The following SMPDL3B variants were observed in gnomAD, a reference collection of about 807,000 sequenced individuals.
SMPDL3B encodes the protein acid sphingomyelinase-like phosphodiesterase 3b.
In SMPDL3B, 31 loss-of-function variants were observed where a neutral mutation model predicts 37.9. The ratio of observed to expected loss-of-function variants is 0.82; its 90% confidence interval spans 0.61 to 1.10. SMPDL3B has a LOEUF of 1.10. SMPDL3B is among the 50% of genes least tolerant of loss of function. The pLI is 0.00. For synonymous variants in SMPDL3B, 235 were observed against 242.6 expected (o/e 0.97, Z 0.29); for missense variants, 525 against 597.8 (o/e 0.88, Z 1.27).
At chr1:27,955,223 T>C (rs1237227683) in intron 5 of SMPDL3B, among the ~76,000 whole-genome samples, 1 of 152,184 alleles carries the variant, frequency 6.6e-6, no homozygotes, top group Non-Finnish European at 1.5e-5. Flanking sequence ...CATTTAACTC[T>C]GTCCCCTGTT....
Position 27,958,395 on chromosome 1 carries a change from T to C in SMPDL3B, c.1006-81T>C, listed in dbSNP as rs1039315885. On this transcript the variant is annotated intron_variant, in intron 7 of 7. Coordinates refer to ENST00000373894, the MANE Select transcript of SMPDL3B (RefSeq NM_014474.4). The surrounding 1 kb of genome is among the most constrained non-coding windows in gnomAD (Gnocchi z 5.6). ...GGTCATGGTCACTGCTCTAAAGAAC[T>C]TGGGGGCAAATGCAAGGTGCAGGAT... 13 of 1,518,802 alleles carry C rather than the reference T, an allele frequency of 8.6e-6. No homozygotes were observed. The highest frequency in any genetic ancestry group is 1.3e-5 in the South Asian group (1 of 79,570). 94.1% of individuals were successfully genotyped at this position (1,518,802 alleles called of 1,614,324 possible).
chr1:27,943,427 C>T (rs2090376814), intron 1 of SMPDL3B, among the ~76,000 whole-genome samples: 1 of 152,122 alleles, frequency 6.6e-6, no homozygotes, highest in African/African-American at 2.4e-5. Flanking sequence ...CAGGGGCCAG[C>T]CTTTATCTGC....
chr1:27,952,080 C>T (rs1369480861), intron 3 of SMPDL3B, among the ~76,000 whole-genome samples: 6 of 152,152 alleles, frequency 3.9e-5, no homozygotes, highest in African/African-American at 9.7e-5. Flanking sequence ...GACACCAGGT[C>T]GCACCCTCAT....
chr1:27,944,623 T>C (rs148562908), intron 1 of SMPDL3B, among the ~76,000 whole-genome samples: 1,746 of 152,252 alleles, frequency 0.011, 44 homozygotes, highest in African/African-American at 0.039. Flanking sequence ...CCCAAAGTAC[T>C]GGGATTACAG....
chr1:27,942,704 G>T lies in SMPDL3B; in HGVS notation c.62-2528G>T, dbSNP rs575300494. On this transcript the variant is annotated intron_variant, in intron 1 of 7. Coordinates refer to ENST00000373894, the MANE Select transcript of SMPDL3B (RefSeq NM_014474.4). ...TTTTGAGATGGAGTCTCGCTCTGTC[G>T]CCAGGCTGGAGTGCAGTGGCACAAT... Among the ~76,000 whole-genome samples, 5 of 142,346 alleles carry T rather than the reference G, an allele frequency of 3.5e-5. No homozygotes were observed. In the South Asian group the frequency reaches 9.0e-4, roughly 26 times the overall value. 93.4% of individuals were successfully genotyped at this position (142,346 alleles called of 152,430 possible). A position where few individuals can be genotyped will look rare whatever the true frequency, so the allele number is the denominator to read the frequency against.
At position 27,959,099 on chromosome 1, in the gene SMPDL3B, A is replaced by T; in HGVS notation, c.*261A>T. ...CGACCCAAGACCCCCCTACAAGCAT[A>T]CTTCTTTTGCGTATTATGTTTAACT... On this transcript the variant is annotated 3_prime_UTR_variant, in exon 8 of 8. Transcript: ENST00000373894. 1 of 482,998 alleles carries T rather than the reference A, an allele frequency of 2.1e-6. No individual in the cohort carries two copies. Among genetic ancestry groups the T allele is most frequent in the Non-Finnish European group, 3.7e-6 (1 of 267,214 alleles). The allele number at this position is 482,998 out of a possible 1,614,324, so 29.9% of individuals were successfully genotyped here.
chr1:27,946,855 G>T (rs2090412929), intron 2 of SMPDL3B, among the ~76,000 whole-genome samples: 1 of 152,088 alleles, frequency 6.6e-6, no homozygotes, highest in Non-Finnish European at 1.5e-5. Flanking sequence ...TCTCAGGAGG[G>T]GCCTGGACAG....
chr1:27,947,178 A>G (rs1439497369), intron 2 of SMPDL3B, among the ~76,000 whole-genome samples: 1 of 151,964 alleles, frequency 6.6e-6, no homozygotes, highest in Admixed American at 6.6e-5. Flanking sequence ...CTGGGATTAC[A>G]GGCATGCGCC....
chr1:27,955,972 A>T lies in SMPDL3B; in HGVS notation c.895A>T (p.Ile299Phe). 1 of 1,614,036 alleles carries T rather than the reference A, an allele frequency of 6.2e-7. No individual in the cohort carries two copies. The highest frequency in any genetic ancestry group is 8.5e-7 in the Non-Finnish European group (1 of 1,179,998). ...DAGVPISAMF[I>F]TPGVTPWKTT... ...AGGTGTCCCCATAAGCGCCATGTTC[A>T]TCACACCTGGAGTCACCCCATGGAA... is the stretch of plus-strand genomic sequence containing the variant. The change falls in exon 7 of 8, where the codon ATC becomes TTC. Residue 299 changes from isoleucine (I) to phenylalanine (F), a missense_variant. Transcript: ENST00000373894.
Position 27,946,178 on chromosome 1 carries a change from C to A in SMPDL3B, c.275+733C>A, listed in dbSNP as rs550815237. Among the ~76,000 whole-genome samples, 461 of 152,068 alleles carry A rather than the reference C, an allele frequency of 3.0e-3. 3 individuals are homozygous for A. Among genetic ancestry groups the A allele is most frequent in the African/African-American group, 0.011 (437 of 41,484 alleles). ...GACCATCCTGGCCAACATGGTGAAA[C>A]CCCGTCTCTACTAAAAATACAAAAA... On this transcript the variant is annotated intron_variant, in intron 2 of 7. Coordinates refer to ENST00000373894, the MANE Select transcript of SMPDL3B (RefSeq NM_014474.4).
rs968751019 is a variant in SMPDL3B, at chr1:27,935,052, A to T, written c.-132A>T. 6 of 657,982 alleles carry T rather than the reference A, an allele frequency of 9.1e-6. No individual in the cohort carries two copies. The highest frequency in any genetic ancestry group is 1.6e-5 in the Non-Finnish European group (6 of 369,146). The allele number at this position is 657,982 out of a possible 1,614,324, so 40.8% of individuals were successfully genotyped here. ...CCAGAGGATCCAGACGCCTTGGAGG[A>T]CTTGGAACACCTGTAACAGGACAAG... On this transcript the variant is annotated 5_prime_UTR_variant, in exon 1 of 8. Transcript: ENST00000373894.
chr1:27,958,475 G>A lies in SMPDL3B; in HGVS notation c.1006-1G>A. 1 of 1,596,584 alleles carries A rather than the reference G, an allele frequency of 6.3e-7. No individual in the cohort carries two copies. Among genetic ancestry groups the A allele is most frequent in the Non-Finnish European group, 8.6e-7 (1 of 1,166,770 alleles). On this transcript the variant is annotated splice_acceptor_variant, in intron 7 of 7. Coordinates refer to ENST00000373894, the MANE Select transcript of SMPDL3B (RefSeq NM_014474.4). LOFTEE classifies it high-confidence loss of function. This position sits in a 1 kb window ranked among gnomAD's most constrained non-coding sequence, Gnocchi z 5.6. ...CGGTCTACCCCAAACCCTTTTTCCA[G>A]GACATGGTGACCTACTTCATGAACC...
intron 3 of SMPDL3B, among the ~76,000 whole-genome samples, chr1:27,949,529 C>T (rs1168765742): frequency 2.0e-5 from 3 of 152,182 alleles, no homozygotes; most frequent in Non-Finnish European, 4.4e-5. Context: ...AGTTGGCATC[C>T]ATCACCCTCA....
chr1:27,937,158 C>T (rs957109564), intron 1 of SMPDL3B, among the ~76,000 whole-genome samples: 8 of 152,228 alleles, frequency 5.3e-5, no homozygotes, highest in Non-Finnish European at 1.0e-4. Context: ...CCCTGCTTTG[C>T]ATTAAACTGT....
At chr1:27,942,001 A>G (rs1023582312) in intron 1 of SMPDL3B, among the ~76,000 whole-genome samples, 1 of 152,086 alleles carries the variant, frequency 6.6e-6, no homozygotes, top group Non-Finnish European at 1.5e-5. Flanking sequence ...ACACACATGC[A>G]CACACACAGA....
rs199667511 is a variant in SMPDL3B at position 27,958,529 on chromosome 1, G to C, written c.1059G>C (p.Pro353=). 2.5e-6 allele frequency: 4 copies of C among 1,613,628 alleles called. No individual in the cohort carries two copies. The highest frequency in any genetic ancestry group is 3.4e-6 in the Non-Finnish European group (4 of 1,179,808). The change falls in exon 8 of 8, where the codon CCG becomes CCC. Residue 353 remains proline (P), a synonymous_variant. Coordinates refer to ENST00000373894, the MANE Select transcript of SMPDL3B (RefSeq NM_014474.4). The surrounding 1 kb of genome is among the most constrained non-coding windows in gnomAD (Gnocchi z 5.6). The part of the protein sequence containing the change: ...NLSQANAQGT[P]RWELEYQLTE... ...GCCAGGCGAATGCTCAGGGGACGCCGCGCTGGGAGCTCGAGTACCAGCTGA... is the reference window on the plus strand; with the variant it reads ...GCCAGGCGAATGCTCAGGGGACGCCCCGCTGGGAGCTCGAGTACCAGCTGA...
In SMPDL3B at chr1:27,945,043, T is replaced by C. The variant is rs2090394386; in HGVS notation, c.62-189T>C. Among the ~76,000 whole-genome samples the C allele has an allele frequency of 6.6e-6, 1 of 152,206 alleles. No individual in the cohort carries two copies. The highest frequency in any genetic ancestry group is 1.5e-5 in the Non-Finnish European group (1 of 68,034). On this transcript the variant is annotated intron_variant, in intron 1 of 7. Transcript: ENST00000373894. The surrounding 1 kb of genome is among the most constrained non-coding windows in gnomAD (Gnocchi z 4.0). ...CTCAGGGATGGAGCTGAGCCTGTTC[T>C]GTGCTCTGCTCAATGTGTCCCTGGG...
Position 27,955,985 on chromosome 1 carries a change from T to C in SMPDL3B, c.908T>C (p.Val303Ala). 1 of 1,613,892 alleles carries C rather than the reference T, an allele frequency of 6.2e-7. No individual in the cohort carries two copies. The highest frequency in any genetic ancestry group is 8.5e-7 in the Non-Finnish European group (1 of 1,179,968). ...PISAMFITPG[V>A]TPWKTTLPGV... The stretch of plus-strand genomic sequence containing the variant: ...AGCGCCATGTTCATCACACCTGGAG[T>C]CACCCCATGGAAAACCACATTACCT... The change falls in exon 7 of 8, where the codon GTC (valine) becomes GCC (alanine). Residue 303 changes from valine (V) to alanine (A), a missense_variant. By Grantham distance (64) the Val-to-Ala change is moderately conservative. Transcript: ENST00000373894.
At position 27,937,043 on chromosome 1, in the gene SMPDL3B, C is replaced by CA. The variant is rs777067402; in HGVS notation, c.61+1801dup. On this transcript the variant is annotated intron_variant, in intron 1 of 7. Coordinates refer to ENST00000373894, the MANE Select transcript of SMPDL3B (RefSeq NM_014474.4). ...CTCAAAAAACAAACAAACAAACAAA[C>CA]AACAACAAAAAAAGGAATTCCGCAG... Among the ~76,000 whole-genome samples, 22 of 135,310 alleles carry CA rather than the reference C, an allele frequency of 1.6e-4. No individual in the cohort carries two copies. In the South Asian group the frequency reaches 2.6e-3, roughly 16 times the overall value. The allele number at this position is 135,310 out of a possible 152,430, so 88.8% of individuals were successfully genotyped here. A position where few individuals can be genotyped will look rare whatever the true frequency, so the allele number is the denominator to read the frequency against.
Sources: allele counts gnomAD v4.1 joint callset (sites outside exome capture counted in the v4.1 genomes callset), GRCh38; gene constraint gnomAD v4.1.1; non-coding constraint Gnocchi (gnomAD v3.1); transcripts MANE v1.5; gene names NCBI Gene and HGNC (gene_info 2026-07-23, HGNC 2026-07-21).